The following PIK3C2A variants were observed in gnomAD, a reference collection of about 807,000 sequenced individuals.
PIK3C2A encodes phosphatidylinositol-4-phosphate 3-kinase catalytic subunit type 2 alpha.
PIK3C2A carries 97 observed loss-of-function variants against 204.5 expected under a neutral mutation model. The observed-to-expected ratio is 0.47, with a 90% CI of 0.40 to 0.56. PIK3C2A has a LOEUF of 0.56. Ranked by LOEUF, PIK3C2A falls within the 20% of genes least tolerant of loss-of-function variation. The pLI is 0.00. For missense variants in PIK3C2A, 1,735 were observed against 1,969.2 expected (o/e 0.88, Z 2.25); for synonymous variants, 653 against 664.4 (o/e 0.98, Z 0.26).
At chr11:17,144,154 C>T (rs981549384) in intron 8 of PIK3C2A, among the ~76,000 whole-genome samples, 2 of 152,138 alleles carry the variant, frequency 1.3e-5, no homozygotes, top group Non-Finnish European at 2.9e-5. Context: ...CACAGAATTG[C>T]TTATACTTCC....
At chr11:17,168,354 G>C (rs1276384967) in intron 2 of PIK3C2A, among the ~76,000 whole-genome samples, 1 of 152,130 alleles carries the variant, frequency 6.6e-6, no homozygotes, top group East Asian at 1.9e-4. Flanking sequence ...GGCTGAGACG[G>C]GTGGATCACG....
chr11:17,145,694 G>T lies in PIK3C2A; in HGVS notation c.1678C>A (p.Gln560Lys). 6.2e-7 allele frequency: 1 copy of T among 1,607,986 alleles called. No homozygotes were observed. Among genetic ancestry groups the T allele is most frequent in the Non-Finnish European group, 8.5e-7 (1 of 1,175,048 alleles). Residue 560 changes from glutamine (Q) to lysine (K), a missense_variant, in exon 8 of 33, where the codon CAA (glutamine) becomes AAA (lysine). Around this residue, in one of 6 missense-constraint regions of PIK3C2A, gnomAD observed 106 missense variants for 108.2 expected, o/e 0.98. Coordinates refer to ENST00000691414, the MANE Select transcript of PIK3C2A (RefSeq NM_002645.4). ...TCAATTTGAAGAGCCAGTTCTACTT[G>T]GTTGTGATAAGAATCTAAGAGTTCT... ...VEELLDSYHN[Q>K]VELALQIENQ...
At chr11:17,168,524 T>C (rs1477835384) in intron 2 of PIK3C2A, among the ~76,000 whole-genome samples, 153 bp downstream of exon 2, 1 of 152,108 alleles carries the variant, frequency 6.6e-6, no homozygotes, top group African/African-American at 2.4e-5. Context: ...GAGCTTGCAG[T>C]GAGCCGAAAT....
intron 8 of PIK3C2A, among the ~76,000 whole-genome samples, chr11:17,144,648 A>C (rs969292966): frequency 1.3e-5 from 2 of 152,126 alleles, no homozygotes; most frequent in Non-Finnish European, 2.9e-5. Flanking sequence ...TAACCCTAGC[A>C]CTTTAGATGG....
chr11:17,125,721 ATT>A (rs1849501221), intron 13 of PIK3C2A, among the ~76,000 whole-genome samples: 1 of 152,018 alleles, frequency 6.6e-6, no homozygotes, highest in African/African-American at 2.4e-5. Flanking sequence ...GTTTCGCCAT[ATT>A]GGCCAGAGTT....
intron 1 of PIK3C2A, among the ~76,000 whole-genome samples, chr11:17,205,102 A>T (rs2137594404): frequency 6.6e-6 from 1 of 151,632 alleles, no homozygotes; most frequent in African/African-American, 2.4e-5. Context: ...GCTTGAACCC[A>T]GAAGGCAAAA....
intron 21 of PIK3C2A, among the ~76,000 whole-genome samples, chr11:17,112,085 A>C (rs1203843984): frequency 6.6e-6 from 1 of 152,120 alleles, no homozygotes; most frequent in East Asian, 1.9e-4. Context: ...ATGAACCTCC[A>C]CGTGTCCAAC....
chr11:17,115,201 T>C lies in PIK3C2A; in HGVS notation c.3217-736A>G, dbSNP rs938372608. Among the ~76,000 whole-genome samples, 5 of 151,978 alleles carry C rather than the reference T, an allele frequency of 3.3e-5. 1 individual carries two copies. The highest frequency in any genetic ancestry group is 4.2e-4 in the South Asian group (2 of 4,810). On this transcript the variant is annotated intron_variant, in intron 19 of 32. Coordinates refer to ENST00000691414, the MANE Select transcript of PIK3C2A (RefSeq NM_002645.4). ...AAAGAACAAAGTAGGAGGACTTACA[T>C]TGTCCAATTTCAAAACTTACTATAA...
Position 17,097,125 on chromosome 11 carries a change from G to A in PIK3C2A, c.4258C>T (p.Gln1420Ter). The change falls in exon 27 of 33, where the codon CAA (glutamine) becomes TAA (stop). Residue 1420 changes from glutamine (Q) to a stop codon, truncating the protein, a stop_gained. Transcript: ENST00000691414. LOFTEE classifies it high-confidence loss of function. ...SFSPKTYSFR[Q>*]DGRIKEVSVF... is the part of the protein sequence containing the mutation. ...GAGACTTCCTTGATTCGACCATCTT[G>A]TCTAAAGGAGTATGTTTTAGGTGAA... 6.2e-7 allele frequency: 1 copy of A among 1,609,164 alleles called. No individual in the cohort carries two copies. The highest frequency in any genetic ancestry group is 8.5e-7 in the Non-Finnish European group (1 of 1,175,552).
intron 1 of PIK3C2A, among the ~76,000 whole-genome samples, chr11:17,180,945 C>A (rs1321964377): frequency 6.6e-6 from 1 of 152,118 alleles, no homozygotes; most frequent in Non-Finnish European, 1.5e-5. Flanking sequence ...GTGGAGTTTA[C>A]TTATTACTGA....
At chr11:17,118,118 C>A (rs1250466293) in intron 18 of PIK3C2A, among the ~76,000 whole-genome samples, 1 of 149,248 alleles carries the variant, frequency 6.7e-6, no homozygotes, top group Non-Finnish European at 1.5e-5. Context: ...GTTGCCCAGG[C>A]TGGAGTCCAG....
chr11:17,161,866 G>T (rs1305843097), intron 2 of PIK3C2A, among the ~76,000 whole-genome samples: 1 of 152,176 alleles, frequency 6.6e-6, no homozygotes, highest in African/African-American at 2.4e-5. Flanking sequence ...AATGGTGTGT[G>T]AAAAATTAAA....
intron 2 of PIK3C2A, among the ~76,000 whole-genome samples, chr11:17,158,926 G>T (rs1850693086): frequency 1.3e-5 from 2 of 152,048 alleles, no homozygotes; most frequent in South Asian, 2.1e-4. Flanking sequence ...GGTAATAATA[G>T]AATCTGGAAA....
At position 17,094,372 on chromosome 11, in the gene PIK3C2A, C is replaced by T. The variant is rs762419576; in HGVS notation, c.4340G>A (p.Arg1447Gln). The change falls in exon 28 of 33, where the codon CGA becomes CAA. Residue 1447 changes from arginine to glutamine, a missense_variant. Arg to Gln is a conservative substitution (Grantham distance 43, BLOSUM62 1). Coordinates refer to ENST00000691414, the MANE Select transcript of PIK3C2A (RefSeq NM_002645.4). The part of the protein sequence containing the change: ...NPDKHYIYVV[R>Q]ILREGQIEPS... ...TTCAATCTGTCCTTCCCTCAAAATTCGGACTACATAAATCTGAAAAGAAAT... is the reference window on the plus strand; with the variant it reads ...TTCAATCTGTCCTTCCCTCAAAATTTGGACTACATAAATCTGAAAAGAAAT... 14 of 1,609,408 alleles carry T rather than the reference C, an allele frequency of 8.7e-6. No homozygotes were observed. The highest frequency in any genetic ancestry group is 1.1e-5 in the Non-Finnish European group (13 of 1,177,342).
At chr11:17,158,085 C>T (rs955467151) in intron 2 of PIK3C2A, among the ~76,000 whole-genome samples, 6 of 152,140 alleles carry the variant, frequency 3.9e-5, no homozygotes, top group African/African-American at 1.4e-4. Context: ...CACGGTGGCT[C>T]ATGCCTGTAA....
chr11:17,180,528 CAAA>C (rs11358909), intron 1 of PIK3C2A, among the ~76,000 whole-genome samples: 1 of 147,518 alleles, frequency 6.8e-6, no homozygotes, highest in African/African-American at 2.5e-5. Context: ...CAACAAAAAA[CAAA>C]AAAAAAAAGG....
chr11:17,162,324 G>C (rs2137466694), intron 2 of PIK3C2A, among the ~76,000 whole-genome samples: 1 of 148,084 alleles, frequency 6.8e-6, no homozygotes, highest in South Asian at 2.1e-4. Context: ...CTGGGCGACA[G>C]AGTGAGACTC....
intron 1 of PIK3C2A, among the ~76,000 whole-genome samples, chr11:17,202,171 A>G (rs1008418193): frequency 1.3e-5 from 2 of 151,402 alleles, no homozygotes; most frequent in African/African-American, 2.4e-5. Context: ...CAAGAGAATC[A>G]CTTGAACCCA....
Position 17,119,898 on chromosome 11 carries a change from T to C in PIK3C2A, c.2734A>G (p.Ile912Val). ...CFKHPNCLPKILASAPNWKWV... is the reference protein window; with the variant it reads ...CFKHPNCLPKVLASAPNWKWV... ...TTCCAGTTTGGGGCGCTTGCTAATA[T>C]TTTAGGAAGACAATTTGGGTGTTTG... Residue 912 changes from isoleucine (I) to valine (V), a missense_variant, in exon 16 of 33, where the codon ATA becomes GTA. Around this residue, in one of 6 missense-constraint regions of PIK3C2A, gnomAD observed 567 missense variants for 576.0 expected, o/e 0.98. Transcript: ENST00000691414. The C allele has an allele frequency of 6.2e-7, 1 of 1,611,608 alleles. No individual in the cohort carries two copies. Among genetic ancestry groups the C allele is most frequent in the Non-Finnish European group, 8.5e-7 (1 of 1,178,484 alleles).
Sources: gnomAD v4.1 joint callset for allele counts (sites outside exome capture counted in the v4.1 genomes callset) on GRCh38, gnomAD v4.1.1 for gene constraint, gnomAD v4.1.1 regional missense constraint, MANE v1.5 for transcripts, NCBI Gene and HGNC (gene_info 2026-07-23, HGNC 2026-07-21) for gene names.